INO80D: variants seen among roughly 807,000 people sequenced by gnomAD.
INO80D encodes INO80 complex subunit D.
INO80D carries 21 observed loss-of-function variants against 87.6 expected under a neutral mutation model. The observed-to-expected ratio is 0.24, with a 90% CI of 0.17 to 0.35. The LOEUF (loss-of-function observed/expected upper bound fraction) is 0.35, where lower values mean the gene tolerates loss of function less well. Among genes scored for constraint, INO80D ranks in the 10% least tolerant of loss-of-function variants. The pLI is 1.00. For missense variants in INO80D, 982 were observed against 1,280.7 expected, an observed-to-expected ratio of 0.77 and a Z score of 3.56; for synonymous variants, 440 against 491.0, an observed-to-expected ratio of 0.90 and a Z score of 1.37.
rs566427300 is a variant in INO80D at position 206,028,313 on chromosome 2, T to C, written c.1096A>G (p.Ser366Gly). Residue 366 changes from serine to glycine, a missense_variant, in exon 6 of 11, where the codon AGT becomes GGT. Physicochemically the swap from Ser to Gly is moderately conservative, Grantham distance 56 (BLOSUM62 0). Coordinates refer to ENST00000403263, the MANE Select transcript of INO80D (RefSeq NM_017759.5). ...RHASDDDDAE[S>G]RSSRVTQLCT... Reference sequence around the variant, plus strand: ...AGTTGAGTCACCCTGGAGCTCCTACTCTCCGCATCATCATCATCTGACCTG... The same window carrying C: ...AGTTGAGTCACCCTGGAGCTCCTACCCTCCGCATCATCATCATCTGACCTG... 41 of 1,601,978 alleles carry C rather than the reference T, an allele frequency of 2.6e-5. No homozygotes were observed. In the East Asian group the frequency reaches 8.8e-4, roughly 34 times the overall value.
chr2:206,072,340 A>C (rs1008211481), intron 1 of INO80D, among the ~76,000 whole-genome samples: 3 of 151,804 alleles, frequency 2.0e-5, no homozygotes, highest in African/African-American at 7.3e-5. Context: ...GAAGTGGTAC[A>C]ATCTCAGCTC....
chr2:206,066,997 C>T (rs1349868958), intron 1 of INO80D, among the ~76,000 whole-genome samples: 2 of 151,514 alleles, frequency 1.3e-5, no homozygotes, highest in African/African-American at 4.8e-5. Flanking sequence ...CCTATAATCC[C>T]AGCACTTTGG....
intron 4 of INO80D, among the ~76,000 whole-genome samples, chr2:206,054,538 G>C (rs894295772): frequency 1.3e-5 from 2 of 152,054 alleles, no homozygotes; most frequent in African/African-American, 2.4e-5. Context: ...GTCTGAGACA[G>C]GGTCTCGCTC....
chr2:206,047,553 G>T (rs932009185), intron 4 of INO80D, among the ~76,000 whole-genome samples: 1 of 151,922 alleles, frequency 6.6e-6, no homozygotes, highest in African/African-American at 2.4e-5. Flanking sequence ...ACACTAAAAT[G>T]ATGTCAGAAA....
chr2:206,014,729 T>C (rs817995), intron 8 of INO80D, among the ~76,000 whole-genome samples: 109,360 of 151,884 alleles, frequency 0.72, 40,165 homozygotes, highest in South Asian at 0.84. Flanking sequence ...AGTGGGGTGC[T>C]GCTGAAAAGA....
At chr2:206,032,970 C>T (rs974268024) in intron 5 of INO80D, among the ~76,000 whole-genome samples, 12 of 152,134 alleles carry the variant, frequency 7.9e-5, no homozygotes, top group East Asian at 3.8e-4. Context: ...ATGAAAGCAA[C>T]GGTACCTCAT....
intron 4 of INO80D, among the ~76,000 whole-genome samples, chr2:206,055,624 G>A (rs1050492506): frequency 2.0e-5 from 3 of 152,176 alleles, no homozygotes; most frequent in Non-Finnish European, 4.4e-5. Context: ...AATAAAAGCT[G>A]CGTGTGGAAT....
chr2:205,996,777 A>G lies in INO80D; in HGVS notation c.*7591T>C, dbSNP rs1437283701. The G allele has an allele frequency of 6.6e-6, 1 of 152,146 alleles. No homozygotes were observed. The highest frequency in any genetic ancestry group is 1.5e-5 in the Non-Finnish European group (1 of 67,978). The allele number at this position is 152,146 out of a possible 1,614,324, so 9.4% of individuals were successfully genotyped here. A position where few individuals can be genotyped will look rare whatever the true frequency, so the allele number is the denominator to read the frequency against. ...TACACATCTCTGTACAGATATACAC[A>G]TAAGGGTCTGTTTTCACCCTTCAAC... On this transcript the variant is annotated 3_prime_UTR_variant, in exon 11 of 11. Transcript: ENST00000403263.
chr2:206,023,679 C>CT (rs1688527138), intron 6 of INO80D, among the ~76,000 whole-genome samples: 1 of 106,946 alleles, frequency 9.4e-6, no homozygotes, highest in Non-Finnish European at 1.8e-5. Flanking sequence ...TGAGACTCAT[C>CT]TAAAAAAAAA....
chr2:206,005,556 C>T, intron 10 of INO80D, 23 bp from the exon 11 acceptor site: 2 of 1,560,194 alleles, frequency 1.3e-6, no homozygotes, highest in South Asian at 1.1e-5. Flanking sequence ...AAGCCATCGA[C>T]AATCAGTAGA....
intron 5 of INO80D, chr2:206,040,686 G>A (rs1160103194): frequency 1.7e-5 from 4 of 236,630 alleles, no homozygotes; most frequent in Admixed American, 4.7e-5. Context: ...CGCCTACAGT[G>A]CACTCTGTGG....
At chr2:206,057,152 G>A (rs1689548059) in intron 3 of INO80D, among the ~76,000 whole-genome samples, 1 of 152,158 alleles carries the variant, frequency 6.6e-6, no homozygotes, top group African/African-American at 2.4e-5. Flanking sequence ...AACTGTACAT[G>A]CACAGGGGTG....
intron 1 of INO80D, among the ~76,000 whole-genome samples, chr2:206,078,913 G>A (rs1322915836): frequency 6.6e-6 from 1 of 152,092 alleles, no homozygotes; most frequent in Non-Finnish European, 1.5e-5. Context: ...TGCACTCTAG[G>A]CTGGGCAACA....
rs2105881221 is a variant in INO80D, at chr2:206,056,289, A to G, written c.873T>C (p.Ser291=). 1 of 1,613,984 alleles carries G rather than the reference A, an allele frequency of 6.2e-7. No homozygotes were observed. Among genetic ancestry groups the G allele is most frequent in the East Asian group, 2.2e-5 (1 of 44,882 alleles). The change falls in exon 4 of 11, where the codon TCT becomes TCC. Residue 291 remains serine (S), a synonymous_variant. Transcript: ENST00000403263. The part of the protein sequence containing the change: ...DRILMKATAF[S]PHFSCISRLQ... ...GTCGGCTTATACATGAGAAGTGTGG[A>G]GAGAAGGCTGTGGCTTTCATGAGGA...
chr2:206,076,233 T>G (rs1389971260), intron 1 of INO80D, among the ~76,000 whole-genome samples: 1 of 152,144 alleles, frequency 6.6e-6, no homozygotes, highest in African/African-American at 2.4e-5. Context: ...CCTACTAAAT[T>G]ATCAGAATGT....
At position 205,994,251 on chromosome 2, in the gene INO80D, G is replaced by C. The variant is rs922881229; in HGVS notation, c.*10117C>G. 2.0e-5 allele frequency: 3 copies of C among 152,198 alleles called. No individual in the cohort carries two copies. Among genetic ancestry groups the C allele is most frequent in the Non-Finnish European group, 4.4e-5 (3 of 68,032 alleles). 9.4% of individuals were successfully genotyped at this position (152,198 alleles called of 1,614,324 possible). A position where few individuals can be genotyped will look rare whatever the true frequency, so the allele number is the denominator to read the frequency against. ...AATACAGAGGAGAGATTGTCAGTTT[G>C]TAAGTTCCCTTTAAGCGGCTTTTAT... On this transcript the variant is annotated 3_prime_UTR_variant, in exon 11 of 11. Coordinates refer to ENST00000403263, the MANE Select transcript of INO80D (RefSeq NM_017759.5).
chr2:206,030,039 C>T (rs990070605), intron 5 of INO80D, among the ~76,000 whole-genome samples: 7 of 152,022 alleles, frequency 4.6e-5, no homozygotes, highest in Admixed American at 3.9e-4. Context: ...TTGAATTTTT[C>T]CCTGACCTCT....
chr2:206,069,431 T>G (rs1689902711), intron 1 of INO80D, among the ~76,000 whole-genome samples: 1 of 152,220 alleles, frequency 6.6e-6, no homozygotes, highest in Admixed American at 6.5e-5. Flanking sequence ...AGTAGGCTAG[T>G]TAACTTTCTT....
intron 6 of INO80D, among the ~76,000 whole-genome samples, chr2:206,024,875 C>A (rs1455740339): frequency 6.6e-6 from 1 of 152,048 alleles, no homozygotes; most frequent in Non-Finnish European, 1.5e-5. Flanking sequence ...CCTGCCTCAG[C>A]CTCCCGAGTA....
Sources: allele counts gnomAD v4.1 joint callset (sites outside exome capture counted in the v4.1 genomes callset), GRCh38; gene constraint gnomAD v4.1.1; transcripts MANE v1.5; gene names NCBI Gene and HGNC (gene_info 2026-07-23, HGNC 2026-07-21).